Variants in CNTNAP2 observed in about 807,000 individuals in gnomAD.
CNTNAP2 encodes contactin-associated protein-like 2.
CNTNAP2 carries 98 observed loss-of-function variants against 155.2 expected under a neutral mutation model. The ratio of observed to expected loss-of-function variants is 0.63; its 90% CI spans 0.54 to 0.75. The LOEUF is 0.75. Ranked by LOEUF, CNTNAP2 falls within the 30% of genes least tolerant of loss-of-function variation. CNTNAP2 has a pLI of 0.00. For synonymous variants in CNTNAP2, 651 were observed against 631.2 expected (o/e 1.03, Z -0.47); for missense variants, 1,727 against 1,688.1 (o/e 1.02, Z -0.40).
intron 9 of CNTNAP2, among the ~76,000 whole-genome samples, chr7:147,390,612 T>C (rs1167830644): frequency 6.6e-6 from 1 of 152,060 alleles, no homozygotes; most frequent in Non-Finnish European, 1.5e-5. Flanking sequence ...CCTCTCCATC[T>C]TACTACTTGA....
chr7:147,878,097 T>A (rs1008505241), intron 13 of CNTNAP2, among the ~76,000 whole-genome samples: 18 of 152,106 alleles, frequency 1.2e-4, no homozygotes, highest in Admixed American at 4.6e-4. Flanking sequence ...TTTCCAGCCA[T>A]CTTTAGGTAT....
chr7:146,265,251 ATGTATGGTTATT>A (rs1472286615), intron 1 of CNTNAP2, among the ~76,000 whole-genome samples: 1 of 152,168 alleles, frequency 6.6e-6, no homozygotes, highest in Non-Finnish European at 1.5e-5. Context: ...TATTACCATT[ATGTATGGTTATT>A]TACATTATAC....
intron 3 of CNTNAP2, among the ~76,000 whole-genome samples, chr7:146,975,603 A>C (rs1797894709): frequency 6.6e-6 from 1 of 152,176 alleles, no homozygotes; most frequent in African/African-American, 2.4e-5. Flanking sequence ...TAACTGAAAG[A>C]TCTAAGGGAA....
At chr7:147,378,891 C>T (rs566306308) in intron 9 of CNTNAP2, among the ~76,000 whole-genome samples, 1 of 152,110 alleles carries the variant, frequency 6.6e-6, no homozygotes, top group African/African-American at 2.4e-5. Context: ...TGTGTTCCCA[C>T]CCAAATCTCA....
intron 3 of CNTNAP2, among the ~76,000 whole-genome samples, chr7:147,039,071 T>C (rs953391684): frequency 6.6e-6 from 1 of 152,164 alleles, no homozygotes; most frequent in Non-Finnish European, 1.5e-5. Flanking sequence ...TTCTGGCCTT[T>C]GCATAAACGA....
chr7:147,610,368 T>C (rs1005774454), intron 12 of CNTNAP2, among the ~76,000 whole-genome samples: 1 of 152,094 alleles, frequency 6.6e-6, no homozygotes, highest in African/African-American at 2.4e-5. Flanking sequence ...GTTGGTGAGA[T>C]TACTGGGGCA....
At chr7:147,229,524 A>C (rs749413023) in intron 8 of CNTNAP2, among the ~76,000 whole-genome samples, 74 of 152,208 alleles carry the variant, frequency 4.9e-4, no homozygotes, top group Admixed American at 8.5e-4. Flanking sequence ...TCCAGTTGGT[A>C]TCTACAAGTA....
intron 10 of CNTNAP2, among the ~76,000 whole-genome samples, chr7:147,471,483 G>C (rs1459395108): frequency 3.3e-5 from 5 of 152,176 alleles, no homozygotes; most frequent in Admixed American, 3.3e-4. Context: ...TATTTTAAGT[G>C]GGGCAGTGGT....
intron 22 of CNTNAP2, among the ~76,000 whole-genome samples, chr7:148,406,210 G>T (rs890188304): frequency 2.7e-5 from 4 of 147,094 alleles, no homozygotes; most frequent in Non-Finnish European, 6.0e-5. Flanking sequence ...CCAACCTGGG[G>T]GACACAGCGA....
intron 10 of CNTNAP2, among the ~76,000 whole-genome samples, chr7:147,398,239 C>G (rs773935180): frequency 2.0e-5 from 3 of 152,016 alleles, no homozygotes; most frequent in Non-Finnish European, 4.4e-5. Flanking sequence ...TGATACACCC[C>G]TAGCACATCT....
intron 15 of CNTNAP2, among the ~76,000 whole-genome samples, chr7:148,039,021 G>A (rs1443846543): frequency 6.6e-6 from 1 of 152,200 alleles, no homozygotes; most frequent in African/African-American, 2.4e-5. Context: ...ATCTGTATCT[G>A]TACATATGAG....
chr7:147,228,984 A>G (rs781476352), intron 8 of CNTNAP2, among the ~76,000 whole-genome samples: 1 of 151,606 alleles, frequency 6.6e-6, no homozygotes, highest in Non-Finnish European at 1.5e-5. Flanking sequence ...AGAGACATGA[A>G]CTCATCCTTT....
At chr7:146,224,660 T>G (rs1465244244) in intron 1 of CNTNAP2, among the ~76,000 whole-genome samples, 1 of 151,504 alleles carries the variant, frequency 6.6e-6, no homozygotes, top group East Asian at 1.9e-4. Flanking sequence ...TCCCAGCTAC[T>G]CAGGAGGCTG....
At chr7:147,324,034 A>G (rs1795404167) in intron 9 of CNTNAP2, among the ~76,000 whole-genome samples, 1 of 114,360 alleles carries the variant, frequency 8.7e-6, no homozygotes, top group Admixed American at 9.3e-5. Flanking sequence ...TGGCAGAACT[A>G]TTAGGAAAAA....
intron 20 of CNTNAP2, among the ~76,000 whole-genome samples, chr7:148,231,955 A>G (rs1253554296): frequency 6.6e-6 from 1 of 152,188 alleles, no homozygotes; most frequent in East Asian, 1.9e-4. Context: ...AAACCTGGGA[A>G]GTGCTTCCTC....
At chr7:148,138,813 G>T (rs562112375) in intron 16 of CNTNAP2, among the ~76,000 whole-genome samples, 2 of 152,266 alleles carry the variant, frequency 1.3e-5, no homozygotes, top group South Asian at 4.1e-4. Flanking sequence ...AGTCCTACAT[G>T]GGGTACAGGG....
intron 1 of CNTNAP2, among the ~76,000 whole-genome samples, chr7:146,559,461 G>A (rs962059517): frequency 2.6e-5 from 4 of 151,740 alleles, no homozygotes; most frequent in African/African-American, 9.7e-5. Context: ...CCAGCTACTC[G>A]GGAGGCTGAG....
chr7:146,192,991 A>T (rs1248153088), intron 1 of CNTNAP2, among the ~76,000 whole-genome samples: 1 of 152,198 alleles, frequency 6.6e-6, no homozygotes, highest in Admixed American at 6.5e-5. Context: ...CAAATCCAAA[A>T]TCCAGAGAGG....
At chr7:148,371,088 A>G (rs1632779) in intron 21 of CNTNAP2, among the ~76,000 whole-genome samples, 50,132 of 151,830 alleles carry the variant, frequency 0.33, 8,644 homozygotes, top group Non-Finnish European at 0.39. Flanking sequence ...CACTTTCTAA[A>G]TTGGAATATA....
Sources: gnomAD v4.1 joint callset for allele counts (sites outside exome capture counted in the v4.1 genomes callset) on GRCh38, gnomAD v4.1.1 for gene constraint, MANE v1.5 for transcripts, NCBI Gene and HGNC (gene_info 2026-07-23, HGNC 2026-07-21) for gene names.